PLPP1: variants seen among roughly 807,000 people sequenced by gnomAD.
PLPP1 encodes phospholipid phosphatase 1, also known as lipid phosphate phosphohydrolase 1a.
Under a neutral mutation model 31.2 loss-of-function variants are expected in PLPP1, and 24 were observed. That is an observed-to-expected ratio of 0.77 (90% CI 0.56 to 1.08). PLPP1 has a LOEUF of 1.08. Ranked by LOEUF, PLPP1 falls within the 50% of genes least tolerant of loss-of-function variation. PLPP1 has a pLI of 0.00. For missense variants in PLPP1, 319 were observed against 342.7 expected (o/e 0.93, Z 0.55); for synonymous variants, 146 against 126.3 (o/e 1.16, Z -1.05).
chr5:55,466,477 C>A (rs975581456), intron 3 of PLPP1, among the ~76,000 whole-genome samples: 1 of 152,016 alleles, frequency 6.6e-6, no homozygotes, highest in Non-Finnish European at 1.5e-5. Flanking sequence ...CTGAGGCAGG[C>A]GGATCACCTG....
chr5:55,493,785 C>T (rs1752946050), intron 1 of PLPP1, among the ~76,000 whole-genome samples: 2 of 150,908 alleles, frequency 1.3e-5, no homozygotes, highest in Admixed American at 6.7e-5. Context: ...AAGGCTGAGG[C>T]AGGAGAATCA....
chr5:55,531,081 A>G (rs13175091), intron 1 of PLPP1, among the ~76,000 whole-genome samples: 8,448 of 152,326 alleles, frequency 0.055, 423 homozygotes, highest in Admixed American at 0.11. Flanking sequence ...CTATAGTCAC[A>G]GAACCAGTCA....
chr5:55,532,102 T>C (rs867826526), intron 1 of PLPP1, among the ~76,000 whole-genome samples: 4 of 152,228 alleles, frequency 2.6e-5, no homozygotes, highest in African/African-American at 9.6e-5. Flanking sequence ...GTCAGGTCAA[T>C]GTAGCAATGA....
At chr5:55,485,072 T>C (rs1206967332) in intron 1 of PLPP1, 2 of 152,186 alleles carry the variant, frequency 1.3e-5, no homozygotes, top group African/African-American at 4.8e-5. Flanking sequence ...AATAAAACTA[T>C]AATCATAAGT....
chr5:55,495,211 T>C (rs927949073), intron 1 of PLPP1, among the ~76,000 whole-genome samples: 2 of 151,856 alleles, frequency 1.3e-5, no homozygotes, highest in African/African-American at 4.8e-5. Context: ...GAAAGATGTG[T>C]AAGTTGTTGG....
intron 1 of PLPP1, among the ~76,000 whole-genome samples, chr5:55,515,671 C>A (rs1013012435): frequency 1.3e-5 from 2 of 151,792 alleles, no homozygotes; most frequent in Non-Finnish European, 2.9e-5. Context: ...TAGATCGTTA[C>A]CACTCTCTCC....
At chr5:55,482,939 C>G (rs2111830489) in intron 1 of PLPP1, among the ~76,000 whole-genome samples, 1 of 152,146 alleles carries the variant, frequency 6.6e-6, no homozygotes, top group African/African-American at 2.4e-5. Context: ...TTTTTTCAAA[C>G]AATGTACCAA....
At chr5:55,471,858 C>T (rs1402217593) in intron 2 of PLPP1, among the ~76,000 whole-genome samples, 1 of 152,176 alleles carries the variant, frequency 6.6e-6, no homozygotes. Flanking sequence ...GTGGCTTACA[C>T]CTATAATCCC....
chr5:55,459,689 C>T (rs764225310), intron 3 of PLPP1, among the ~76,000 whole-genome samples: 8 of 152,128 alleles, frequency 5.3e-5, no homozygotes, highest in African/African-American at 9.7e-5. Context: ...AAGAGGAAGA[C>T]GCAAGGGAAA....
chr5:55,435,710 G>T (rs1256495225), intron 4 of PLPP1, among the ~76,000 whole-genome samples: 1 of 152,080 alleles, frequency 6.6e-6, no homozygotes, highest in African/African-American at 2.4e-5. Context: ...GAAAAACAAA[G>T]ATACATCATA....
intron 3 of PLPP1, among the ~76,000 whole-genome samples, chr5:55,449,827 G>C (rs939308553): frequency 6.6e-6 from 1 of 151,832 alleles, no homozygotes. Context: ...GGAAGGGGAG[G>C]CTTTTTAAAG....
At chr5:55,502,960 G>A (rs1753178369) in intron 1 of PLPP1, among the ~76,000 whole-genome samples, 1 of 152,188 alleles carries the variant, frequency 6.6e-6, no homozygotes, top group Non-Finnish European at 1.5e-5. Flanking sequence ...AGGGAAGCAA[G>A]AGAGCCAGTC....
At chr5:55,488,317 A>T (rs1305156061) in intron 1 of PLPP1, among the ~76,000 whole-genome samples, 1 of 152,058 alleles carries the variant, frequency 6.6e-6, no homozygotes. Context: ...CAAAGCACAA[A>T]ACTAAATCTG....
intron 2 of PLPP1, among the ~76,000 whole-genome samples, chr5:55,472,275 T>C (rs1752430739): frequency 6.6e-6 from 1 of 152,240 alleles, no homozygotes; most frequent in Admixed American, 6.5e-5. Context: ...TTTTATTAAA[T>C]GTAAAGATAA....
At chr5:55,498,646 G>C (rs1039402294) in intron 1 of PLPP1, among the ~76,000 whole-genome samples, 2 of 151,532 alleles carry the variant, frequency 1.3e-5, no homozygotes. Context: ...CTGAAAAGCT[G>C]TATGTGACTT....
chr5:55,508,146 C>T (rs1753324444), intron 1 of PLPP1, among the ~76,000 whole-genome samples: 1 of 152,224 alleles, frequency 6.6e-6, no homozygotes, highest in Admixed American at 6.5e-5. Flanking sequence ...GCATGAGCCA[C>T]CATGCCTGGT....
At chr5:55,504,357 T>C (rs1296906503) in intron 1 of PLPP1, among the ~76,000 whole-genome samples, 1 of 54,964 alleles carries the variant, frequency 1.8e-5, no homozygotes, top group African/African-American at 5.8e-5. Flanking sequence ...AGAGACTCTG[T>C]ATCAAAAAAA....
chr5:55,520,228 G>A (rs1753635905), intron 1 of PLPP1, among the ~76,000 whole-genome samples: 1 of 152,148 alleles, frequency 6.6e-6, no homozygotes, highest in Non-Finnish European at 1.5e-5. Context: ...AAGATCTGAG[G>A]TATCTGATTC....
intron 1 of PLPP1, among the ~76,000 whole-genome samples, chr5:55,476,399 G>A (rs189607874): frequency 8.5e-5 from 13 of 152,104 alleles, no homozygotes; most frequent in Admixed American, 6.6e-4. Flanking sequence ...TATCATCAGC[G>A]TTTTCTATAA....
Sources: allele counts gnomAD v4.1 joint callset (sites outside exome capture counted in the v4.1 genomes callset), GRCh38; gene constraint gnomAD v4.1.1; transcripts MANE v1.5; gene names NCBI Gene and HGNC (gene_info 2026-07-23, HGNC 2026-07-21).